The following NUDT5 variants were observed in gnomAD, a reference collection of about 807,000 sequenced individuals.
NUDT5 encodes the protein nudix hydrolase 5.
Under a neutral mutation model 34.1 loss-of-function variants are expected in NUDT5, and 21 were observed. That is an observed-to-expected ratio of 0.62 (90% CI 0.44 to 0.89). The LOEUF (loss-of-function observed/expected upper bound fraction) is 0.89. Ranked by LOEUF, NUDT5 falls within the 40% of genes least tolerant of loss-of-function variation. The pLI, the probability that NUDT5 is intolerant of heterozygous loss-of-function variation, is 0.00. For synonymous variants in NUDT5, 85 were observed against 97.6 expected, an observed-to-expected ratio of 0.87 and a Z score of 0.76; for missense variants, 249 against 274.8, an observed-to-expected ratio of 0.91 and a Z score of 0.66.
rs985249931 is a variant in NUDT5 at position 12,182,110 on chromosome 10, C to T, written c.131+2779G>A. Among the ~76,000 whole-genome samples, 42 of 146,660 alleles carry T rather than the reference C, an allele frequency of 2.9e-4. 1 individual carries two copies. The highest frequency in any genetic ancestry group is 1.0e-4 in the Non-Finnish European group (7 of 66,920). ...CACCATTGCACTCTAGCCTGGGCAACAGAACAAGACTCTGTCTCAGGGTAA... is the reference window on the plus strand; with the variant it reads ...CACCATTGCACTCTAGCCTGGGCAATAGAACAAGACTCTGTCTCAGGGTAA... On this transcript the variant is annotated intron_variant, in intron 3 of 9. Coordinates refer to ENST00000491614, the MANE Select transcript of NUDT5 (RefSeq NM_014142.4). The surrounding 1 kb of genome is among the most constrained non-coding windows in gnomAD (Gnocchi z 4.3).
In NUDT5 at chr10:12,175,444, G is replaced by C. The variant is rs1333417171; in HGVS notation, c.290-1631C>G. 2.0e-5 allele frequency among the ~76,000 whole-genome samples: 3 copies of C among 151,914 alleles called. No individual in the cohort carries two copies. Among genetic ancestry groups the C allele is most frequent in the Non-Finnish European group, 4.4e-5 (3 of 67,980 alleles). On this transcript the variant is annotated intron_variant, in intron 5 of 9. Coordinates refer to ENST00000491614, the MANE Select transcript of NUDT5 (RefSeq NM_014142.4). This position sits in a 1 kb window ranked among gnomAD's most constrained non-coding sequence, Gnocchi z 4.8. ...GAGGATCACTTGAGGCCAGGAGTTT[G>C]GGGCCAGCCTGGGTGACAAAGCAAA...
In NUDT5 at chr10:12,173,777, G is replaced by A; in HGVS notation, c.326C>T (p.Ala109Val). 6.2e-7 allele frequency: 1 copy of A among 1,614,020 alleles called. No individual in the cohort carries two copies. Among genetic ancestry groups the A allele is most frequent in the Non-Finnish European group, 8.5e-7 (1 of 1,179,912 alleles). Residue 109 changes from alanine to valine, a missense_variant, in exon 6 of 10, where the codon GCT becomes GTT. Coordinates refer to ENST00000491614, the MANE Select transcript of NUDT5 (RefSeq NM_014142.4). The surrounding 1 kb of genome is among the most constrained non-coding windows in gnomAD (Gnocchi z 4.7). Reference sequence around the variant, plus strand: ...AGTTTCTTCTTCAAGCTCCCGGAGAGCAGCTGCTTCTGGGGTTTCACCATC... The same window carrying A: ...AGTTTCTTCTTCAAGCTCCCGGAGAACAGCTGCTTCTGGGGTTTCACCATC... Reference protein sequence around the residue: ...IDDGETPEAAALRELEEETGY... With the variant: ...IDDGETPEAAVLRELEEETGY...
In NUDT5 at chr10:12,172,794, G is replaced by A; in HGVS notation, c.458C>T (p.Ala153Val). Reference sequence around the variant, plus strand: ...CTTTGGCTTCGGCCTTGCGTTTTCGGCATCATCTCCGTTAATGGTGACTGT... The same window carrying A: ...CTTTGGCTTCGGCCTTGCGTTTTCGACATCATCTCCGTTAATGGTGACTGT... ...IVTVTINGDD[A>V]ENARPKPKPG... The change falls in exon 7 of 10, where the codon GCC becomes GTC. Residue 153 changes from alanine to valine, a missense_variant. Coordinates refer to ENST00000491614, the MANE Select transcript of NUDT5 (RefSeq NM_014142.4). 1 of 1,614,148 alleles carries A rather than the reference G, an allele frequency of 6.2e-7. No individual in the cohort carries two copies. Among genetic ancestry groups the A allele is most frequent in the Non-Finnish European group, 8.5e-7 (1 of 1,179,982 alleles).
At position 12,182,411 on chromosome 10, in the gene NUDT5, C is replaced by T. The variant is rs953606566; in HGVS notation, c.131+2478G>A. Among the ~76,000 whole-genome samples the T allele has an allele frequency of 9.9e-5, 15 of 152,146 alleles. No homozygotes were observed. Among genetic ancestry groups the T allele is most frequent in the East Asian group, 5.8e-4 (3 of 5,194 alleles). ...ATAACACATCCTATAAATTATACATCGTGGCATACAGGAAAGTACAAAGAC... is the reference window on the plus strand; with the variant it reads ...ATAACACATCCTATAAATTATACATTGTGGCATACAGGAAAGTACAAAGAC... On this transcript the variant is annotated intron_variant, in intron 3 of 9. Transcript: ENST00000491614. The surrounding 1 kb of genome is among the most constrained non-coding windows in gnomAD (Gnocchi z 4.3).
intron 6 of NUDT5, 76 bp from the exon 7 acceptor site, chr10:12,172,942 G>T: frequency 9.5e-7 from 1 of 1,050,610 alleles, no homozygotes; most frequent in Non-Finnish European, 1.5e-6. Context: ...AAGAAGATGC[G>T]TCCCGCAGCT....
At position 12,181,796 on chromosome 10, in the gene NUDT5, T is replaced by C. The variant is rs1835045881; in HGVS notation, c.132-2664A>G. Reference sequence around the variant, plus strand: ...GGGTTCGAGACCAGCCTGGGCAACATAGTGAGACTCTGTCTCTACTAAAAA... The same window carrying C: ...GGGTTCGAGACCAGCCTGGGCAACACAGTGAGACTCTGTCTCTACTAAAAA... On this transcript the variant is annotated intron_variant, in intron 3 of 9. Coordinates refer to ENST00000491614, the MANE Select transcript of NUDT5 (RefSeq NM_014142.4). The surrounding 1 kb of genome is among the most constrained non-coding windows in gnomAD (Gnocchi z 5.0). Among the ~76,000 whole-genome samples, 1 of 151,446 alleles carries C rather than the reference T, an allele frequency of 6.6e-6. No individual in the cohort carries two copies. Among genetic ancestry groups the C allele is most frequent in the Admixed American group, 6.6e-5 (1 of 15,216 alleles).
In NUDT5 at chr10:12,192,819, C is replaced by A. The variant is rs577407465; in HGVS notation, c.-42+2951G>T. Among the ~76,000 whole-genome samples, 12 of 152,028 alleles carry A rather than the reference C, an allele frequency of 7.9e-5. No homozygotes were observed. The South Asian group carries it at 2.3e-3, about 29-fold the overall frequency. On this transcript the variant is annotated intron_variant, in intron 1 of 9. Coordinates refer to ENST00000491614, the MANE Select transcript of NUDT5 (RefSeq NM_014142.4). ...TGAGCCAAGATTGCACCACTGCATT[C>A]CAGCCTGGGCGACAGAGCGAGACTC...
intron 1 of NUDT5, among the ~76,000 whole-genome samples, chr10:12,188,507 T>C (rs927985167): frequency 1.3e-5 from 2 of 151,668 alleles, no homozygotes; most frequent in Admixed American, 6.6e-5. Flanking sequence ...CCAGGGCGGG[T>C]GGATCACGAG....
chr10:12,189,426 T>G (rs575354039), intron 1 of NUDT5, among the ~76,000 whole-genome samples: 4 of 152,294 alleles, frequency 2.6e-5, no homozygotes, highest in African/African-American at 7.2e-5. Context: ...AGTATTTCTT[T>G]GGAATGCAAT....
At chr10:12,184,821 C>T in intron 3 of NUDT5, 68 bp downstream of exon 3, 1 of 867,594 alleles carries the variant, frequency 1.2e-6, no homozygotes, top group East Asian at 2.5e-5. Context: ...AAAGTTTATG[C>T]AAAACACTCA....
rs181443500 is a variant in NUDT5 at position 12,190,134 on chromosome 10, C to T, written c.-41-3802G>A. On this transcript the variant is annotated intron_variant, in intron 1 of 9. Transcript: ENST00000491614. Reference sequence around the variant, plus strand: ...TCGATCTCCTGACCTCGTGATCCACCCGCCTCGGCCTGCCAAAGTGCTGGA... The same window carrying T: ...TCGATCTCCTGACCTCGTGATCCACTCGCCTCGGCCTGCCAAAGTGCTGGA... Among the ~76,000 whole-genome samples, 179 of 152,280 alleles carry T rather than the reference C, an allele frequency of 1.2e-3. 2 individuals are homozygous for T. The Middle Eastern group carries it at 0.017, about 14-fold the overall frequency.
At position 12,170,837 on chromosome 10, in the gene NUDT5, T is replaced by A. The variant is rs753158054; in HGVS notation, c.496+63A>T. ...GAGCCTACCAAAACAACCCAAAATGTCTGCAGCCATCACCACTACACTAAG... is the reference window on the plus strand; with the variant it reads ...GAGCCTACCAAAACAACCCAAAATGACTGCAGCCATCACCACTACACTAAG... On this transcript the variant is annotated intron_variant, in intron 8 of 9. Transcript: ENST00000491614. The surrounding 1 kb of genome is among the most constrained non-coding windows in gnomAD (Gnocchi z 4.9). 3.7e-6 allele frequency: 6 copies of A among 1,612,968 alleles called. No homozygotes were observed. In the East Asian group the frequency reaches 1.1e-4, roughly 30 times the overall value.
Position 12,186,351 on chromosome 10 carries a change from TG to T in NUDT5, c.-41-20del. On this transcript the variant is annotated intron_variant, in intron 1 of 9. Transcript: ENST00000491614. ...GTTCACCCTGCAAGATAATGAGATT[TG>T]TTCAGGCTAAAATTATTTTTCTGAA... 8.1e-7 allele frequency: 1 copy of T among 1,236,976 alleles called. No homozygotes were observed. The highest frequency in any genetic ancestry group is 1.2e-5 in the South Asian group (1 of 82,152). The allele number at this position is 1,236,976 out of a possible 1,614,324, so 76.6% of individuals were successfully genotyped here.
intron 5 of NUDT5, 43 bp downstream of exon 5, chr10:12,177,750 A>C (rs760633170): frequency 1.4e-6 from 2 of 1,387,752 alleles, no homozygotes; most frequent in Non-Finnish European, 2.1e-6. Context: ...ACCCTGGTTC[A>C]GGCCAACATC....
At chr10:12,184,994 A>G (rs1835103229) in intron 2 of NUDT5, 38 bp from the exon 3 acceptor site, 2 of 1,137,522 alleles carry the variant, frequency 1.8e-6, no homozygotes, top group Admixed American at 1.9e-5. Context: ...GAAACTTTCA[A>G]ACCAAGTTGT....
At position 12,184,144 on chromosome 10, in the gene NUDT5, C is replaced by T. The variant is rs577875904; in HGVS notation, c.131+745G>A. Among the ~76,000 whole-genome samples, 333 of 152,192 alleles carry T rather than the reference C, an allele frequency of 2.2e-3. 2 individuals are homozygous for T. The highest frequency in any genetic ancestry group is 7.2e-3 in the African/African-American group (301 of 41,528). ...TCAGCTCACTGCAACTTCCGCCTCC[C>T]GGGTTCAAGCAATTCTCCTGCCTCA... On this transcript the variant is annotated intron_variant, in intron 3 of 9. Transcript: ENST00000491614.
chr10:12,177,258 G>C (rs987728942), intron 5 of NUDT5, among the ~76,000 whole-genome samples: 2 of 152,182 alleles, frequency 1.3e-5, no homozygotes, highest in African/African-American at 2.4e-5. Flanking sequence ...AAGGGCTCAC[G>C]CCTGTAATCC....
intron 3 of NUDT5, among the ~76,000 whole-genome samples, chr10:12,179,497 T>C (rs1375656214): frequency 6.6e-6 from 1 of 152,192 alleles, no homozygotes; most frequent in Non-Finnish European, 1.5e-5. Context: ...AATGAAGCCA[T>C]AGGAAAAGAC....
intron 1 of NUDT5, among the ~76,000 whole-genome samples, chr10:12,192,154 A>C (rs1358390523): frequency 1.3e-5 from 2 of 152,152 alleles, no homozygotes; most frequent in East Asian, 3.8e-4. Flanking sequence ...CAGTTTAATA[A>C]TTGAATAGGG....
Sources: gnomAD v4.1 joint callset for allele counts (sites outside exome capture counted in the v4.1 genomes callset) on GRCh38, gnomAD v4.1.1 for gene constraint, Gnocchi (gnomAD v3.1) non-coding constraint, MANE v1.5 for transcripts, NCBI Gene and HGNC (gene_info 2026-07-23, HGNC 2026-07-21) for gene names.